Variants in PRKCZ observed in about 807,000 individuals in gnomAD.
PRKCZ encodes the protein protein kinase C zeta type.
Under a neutral mutation model 79.5 loss-of-function variants are expected in PRKCZ, and 33 were observed. That is an observed-to-expected ratio of 0.41 (90% CI 0.31 to 0.55). The LOEUF is 0.55. PRKCZ is among the 20% of genes least tolerant of loss of function. The probability of loss-of-function intolerance (pLI) is 0.19; values close to 1 mark genes in which losing one functional copy is unlikely to be tolerated. For synonymous variants in PRKCZ, 342 were observed against 320.9 expected (o/e 1.07, Z -0.70); for missense variants, 578 against 813.5 (o/e 0.71, Z 3.52).
intron 4 of PRKCZ, among the ~76,000 whole-genome samples, chr1:2,134,530 CA>C (rs1675761696): frequency 6.6e-6 from 1 of 152,222 alleles, no homozygotes; most frequent in African/African-American, 2.4e-5. Context: ...CGTCTGGTTA[CA>C]GGCTTGGTGC....
chr1:2,148,795 G>GGTCC, intron 7 of PRKCZ, 77 bp from the exon 8 acceptor site: 7 of 1,444,088 alleles, frequency 4.8e-6, no homozygotes, highest in Non-Finnish European at 5.8e-6. Flanking sequence ...AGAGGAGCAA[G>GGTCC]GTCCACAGGG....
intron 6 of PRKCZ, 47 bp from the exon 7 acceptor site, chr1:2,145,980 C>A (rs1405449755): frequency 6.6e-7 from 1 of 1,507,724 alleles, no homozygotes; most frequent in Non-Finnish European, 9.2e-7. Context: ...ATTGTAACAC[C>A]TGCTCTAGCA....
At chr1:2,108,712 C>G (rs1031681408) in intron 4 of PRKCZ, among the ~76,000 whole-genome samples, 1 of 152,240 alleles carries the variant, frequency 6.6e-6, no homozygotes, top group South Asian at 2.1e-4. Context: ...CTGATGTGCT[C>G]CCTGGTCACC....
chr1:2,109,460 G>A (rs530823951), intron 4 of PRKCZ, among the ~76,000 whole-genome samples: 1 of 152,330 alleles, frequency 6.6e-6, no homozygotes, highest in East Asian at 1.9e-4. Context: ...TCACTGAATT[G>A]TCCTGAGATC....
intron 4 of PRKCZ, among the ~76,000 whole-genome samples, chr1:2,062,573 T>C (rs1660787191): frequency 6.6e-6 from 1 of 151,064 alleles, no homozygotes; most frequent in African/African-American, 2.4e-5. Context: ...TTACTACTAC[T>C]CTGCCTCTCA....
At chr1:2,093,338 G>A (rs114899068) in intron 4 of PRKCZ, among the ~76,000 whole-genome samples, 3,446 of 152,154 alleles carry the variant, frequency 0.023, 145 homozygotes, top group African/African-American at 0.079. Flanking sequence ...CTTGGCGGGC[G>A]GCTAGTGTCC....
chr1:2,151,030 G>C, intron 9 of PRKCZ, 52 bp downstream of exon 9: 1 of 1,591,352 alleles, frequency 6.3e-7, no homozygotes, highest in South Asian at 1.1e-5. Flanking sequence ...GCTGCCCTGG[G>C]GCCTCCTCCG....
intron 4 of PRKCZ, among the ~76,000 whole-genome samples, chr1:2,122,218 C>T (rs192086632): frequency 3.2e-4 from 1 of 3,084 alleles, no homozygotes. Flanking sequence ...AGGGTCGTGG[C>T]GGTGGTTAGG....
intron 4 of PRKCZ, among the ~76,000 whole-genome samples, chr1:2,066,683 GGTTT>G (rs1661151085): frequency 6.6e-6 from 1 of 152,124 alleles, no homozygotes; most frequent in Admixed American, 6.5e-5. Context: ...GCCAGCTTTT[GGTTT>G]GTTCTTTTTC....
At chr1:2,124,565 G>GC (rs1557629034) in intron 4 of PRKCZ, among the ~76,000 whole-genome samples, 1 of 152,108 alleles carries the variant, frequency 6.6e-6, no homozygotes, top group Admixed American at 6.5e-5. Flanking sequence ...GAGATACCCC[G>GC]CCCTGCAGGT....
At chr1:2,083,076 C>T (rs1050306711) in intron 4 of PRKCZ, among the ~76,000 whole-genome samples, 1 of 152,160 alleles carries the variant, frequency 6.6e-6, no homozygotes, top group Admixed American at 6.5e-5. Context: ...TTTTAAATAC[C>T]TTGGTCCAAA....
At chr1:2,155,317 C>G (rs1417511965) in intron 9 of PRKCZ, among the ~76,000 whole-genome samples, 1 of 146,992 alleles carries the variant, frequency 6.8e-6, no homozygotes. Context: ...GTGGTGATGA[C>G]AGTGATGATG....
At chr1:2,111,975 GTT>G (rs1200106705) in intron 4 of PRKCZ, among the ~76,000 whole-genome samples, 1 of 152,220 alleles carries the variant, frequency 6.6e-6, no homozygotes, top group Non-Finnish European at 1.5e-5. Context: ...CAGCCTCCCA[GTT>G]GGCACCTTCC....
intron 10 of PRKCZ, among the ~76,000 whole-genome samples, chr1:2,161,212 CCT>C (rs879714383): frequency 6.6e-6 from 1 of 152,234 alleles, no homozygotes; most frequent in African/African-American, 2.4e-5. Flanking sequence ...TCAGCGGCCC[CCT>C]GATTTGCTCA....
At chr1:2,152,474 G>A (rs1680088369) in intron 9 of PRKCZ, among the ~76,000 whole-genome samples, 1 of 152,204 alleles carries the variant, frequency 6.6e-6, no homozygotes, top group African/African-American at 2.4e-5. Context: ...GGAGATTGCA[G>A]TGAGCCGAGA....
At chr1:2,064,312 T>C (rs564681302) in intron 4 of PRKCZ, among the ~76,000 whole-genome samples, 153 of 152,352 alleles carry the variant, frequency 1.0e-3, no homozygotes, top group South Asian at 4.8e-3. Context: ...TCCTGCTTTG[T>C]GGGTTGTTTT....
chr1:2,086,432 C>G (rs16824755), intron 4 of PRKCZ, among the ~76,000 whole-genome samples: 1 of 152,184 alleles, frequency 6.6e-6, no homozygotes, highest in African/African-American at 2.4e-5. Context: ...TGTCATTGTT[C>G]GTCTTGAGGC....
At chr1:2,051,869 C>CTT (rs1659695342) in intron 1 of PRKCZ, among the ~76,000 whole-genome samples, 1 of 152,132 alleles carries the variant, frequency 6.6e-6, no homozygotes, top group South Asian at 2.1e-4. Flanking sequence ...AAGGTTGGGG[C>CTT]CTCTGCAGCT....
intron 4 of PRKCZ, among the ~76,000 whole-genome samples, chr1:2,115,736 C>T (rs761109920): frequency 2.6e-5 from 4 of 152,160 alleles, no homozygotes; most frequent in African/African-American, 4.8e-5. Flanking sequence ...TTAGTGTACC[C>T]GTTTATTAGA....
Sources: allele counts gnomAD v4.1 joint callset (sites outside exome capture counted in the v4.1 genomes callset), GRCh38; gene constraint gnomAD v4.1.1; transcripts MANE v1.5; gene names NCBI Gene and HGNC (gene_info 2026-07-23, HGNC 2026-07-21).